RYR1: variants seen among roughly 807,000 people sequenced by gnomAD.
RYR1 encodes central core disease of muscle.
In RYR1, 342 loss-of-function variants were observed where a neutral mutation model predicts 583.5. The ratio of observed to expected loss-of-function variants is 0.59; its 90% confidence interval spans 0.54 to 0.64. The LOEUF is 0.64. Among genes scored for constraint, RYR1 ranks in the 30% least tolerant of loss-of-function variants. The probability of loss-of-function intolerance (pLI) is 0.00; values close to 1 mark genes in which losing one functional copy is unlikely to be tolerated. For synonymous variants in RYR1, 2,791 were observed against 2,822.5 expected, an observed-to-expected ratio of 0.99 and a Z score of 0.35; for missense variants, 6,032 against 6,917.2, an observed-to-expected ratio of 0.87 and a Z score of 4.54.
In RYR1 at chr19:38,463,775, C is replaced by T. The variant is rs544742812; in HGVS notation, c.2711C>T (p.Pro904Leu). The T allele has an allele frequency of 3.7e-5, 59 of 1,613,946 alleles. No homozygotes were observed. The highest frequency in any genetic ancestry group is 1.6e-4 in the Middle Eastern group (1 of 6,084). Residue 904 changes from proline (P) to leucine (L), a missense_variant, in exon 22 of 106, where the codon CCG becomes CTG. Physicochemically the swap from Pro to Leu is moderately conservative, Grantham distance 98 (BLOSUM62 -3). This residue lies in a region of RYR1 where 2,627 missense variants were observed against 2,961.3 expected (regional missense o/e 0.89). Coordinates refer to ENST00000359596, the MANE Select transcript of RYR1 (RefSeq NM_000540.3). ...PVRDDNKRLH[P>L]CLVDFHSLPE... Reference sequence around the variant, plus strand: ...CGGGATGACAACAAGAGGCTGCACCCGTGTCTTGTGGACTTCCACAGCCTT... The same window carrying T: ...CGGGATGACAACAAGAGGCTGCACCTGTGTCTTGTGGACTTCCACAGCCTT...
At chr19:38,542,898 A>G (rs1362058275) in intron 84 of RYR1, among the ~76,000 whole-genome samples, 5 of 148,776 alleles carry the variant, frequency 3.4e-5, no homozygotes, top group Non-Finnish European at 7.4e-5. Context: ...CTGGACTGCA[A>G]TGGTGAGATC....
At chr19:38,540,337 C>T (rs1405548097) in intron 84 of RYR1, among the ~76,000 whole-genome samples, 3 of 150,550 alleles carry the variant, frequency 2.0e-5, no homozygotes, top group Non-Finnish European at 4.4e-5. Context: ...TCATATACTA[C>T]AGTATAATAA....
intron 11 of RYR1, among the ~76,000 whole-genome samples, chr19:38,450,878 T>C (rs754151088): frequency 2.3e-4 from 35 of 152,208 alleles, no homozygotes; most frequent in Non-Finnish European, 4.4e-4. Context: ...CATGCAAGCT[T>C]GTAGCTCGAT....
At chr19:38,514,616 A>C (rs1033497479) in intron 63 of RYR1, among the ~76,000 whole-genome samples, 6 of 150,594 alleles carry the variant, frequency 4.0e-5, no homozygotes, top group Non-Finnish European at 1.5e-5. Flanking sequence ...TGAAAAAGAT[A>C]GCCTAAAATT....
chr19:38,516,014 A>G, intron 64 of RYR1, 73 bp from the exon 65 acceptor site: 1 of 1,508,622 alleles, frequency 6.6e-7, no homozygotes, highest in Non-Finnish European at 8.9e-7. Context: ...AGCCGTTTCT[A>G]TGGAGATGGG....
chr19:38,563,021 G>A (rs1973223440), intron 90 of RYR1, among the ~76,000 whole-genome samples: 1 of 152,144 alleles, frequency 6.6e-6, no homozygotes. Context: ...TCTGCAGGAA[G>A]CCCCTGTTCA....
Position 38,444,619 on chromosome 19 carries a change from C to T in RYR1, c.573C>T (p.Asp191=), listed in dbSNP as rs892054. ...CCGCCAGTGGGGAGCTCCAGGTTGA[C>T]GCTTCCTTCATGCAGACACTATGGA... ...LSTASGELQV[D]ASFMQTLWNM... The change falls in exon 7 of 106, where the codon GAC becomes GAT. Residue 191 remains aspartate, a synonymous_variant. Transcript: ENST00000359596. The surrounding 1 kb of genome is among the most constrained non-coding windows in gnomAD (Gnocchi z 5.1). 2.6e-3 allele frequency: 4,163 copies of T among 1,613,966 alleles called. 18 individuals carry two copies. The highest frequency in any genetic ancestry group is 0.016 in the African/African-American group (1,207 of 75,020).
intron 27 of RYR1, 44 bp from the exon 28 acceptor site, chr19:38,473,333 T>G (rs998520709): frequency 1.3e-5 from 21 of 1,612,310 alleles, no homozygotes; most frequent in Non-Finnish European, 1.8e-5. Flanking sequence ...CGGCCTGGCC[T>G]AGCCCGCCTG....
chr19:38,507,362 G>A lies in RYR1; in HGVS notation c.8817-350G>A, dbSNP rs1970514907. ...GAGGCTGAGAGGGGCGGGGGCTGGG[G>A]AGCACAGGCGGGGCCAGAGAGGGGT... On this transcript the variant is annotated intron_variant, in intron 57 of 105. Transcript: ENST00000359596. Among the ~76,000 whole-genome samples, 10 of 128,444 alleles carry A rather than the reference G, an allele frequency of 7.8e-5. No homozygotes were observed. In the South Asian group the frequency reaches 2.9e-3, roughly 37 times the overall value. 84.3% of individuals were successfully genotyped at this position (128,444 alleles called of 152,430 possible). A position where few individuals can be genotyped will look rare whatever the true frequency, so the allele number is the denominator to read the frequency against.
In RYR1 at chr19:38,496,663, G is replaced by T; in HGVS notation, c.6796+122G>T. 1 of 1,322,806 alleles carries T rather than the reference G, an allele frequency of 7.6e-7. No homozygotes were observed. The highest frequency in any genetic ancestry group is 1.8e-5 in the Admixed American group (1 of 55,432). The allele number at this position is 1,322,806 out of a possible 1,614,324, so 81.9% of individuals were successfully genotyped here. A position where few individuals can be genotyped will look rare whatever the true frequency, so the allele number is the denominator to read the frequency against. ...ACACTCCCTCTCAACTGTGGTTCTG[G>T]CCCTGTAATGAGTAATGCTGGGGAC... On this transcript the variant is annotated intron_variant, in intron 41 of 105. Coordinates refer to ENST00000359596, the MANE Select transcript of RYR1 (RefSeq NM_000540.3). The surrounding 1 kb of genome is among the most constrained non-coding windows in gnomAD (Gnocchi z 4.8).
At chr19:38,573,977 A>C (rs1973843941) in intron 96 of RYR1, among the ~76,000 whole-genome samples, 2 of 152,268 alleles carry the variant, frequency 1.3e-5, no homozygotes, top group South Asian at 4.1e-4. Flanking sequence ...ACGATGGCTC[A>C]TGCCTGTAAT....
rs1299246889 is a variant in RYR1 at position 38,525,463 on chromosome 19, C to G, written c.10587C>G (p.Asp3529Glu). 1 of 1,613,998 alleles carries G rather than the reference C, an allele frequency of 6.2e-7. No individual in the cohort carries two copies. Among genetic ancestry groups the G allele is most frequent in the Non-Finnish European group, 8.5e-7 (1 of 1,179,962 alleles). ...PIGLNMCAPT[D>E]QDLITLAKTR... ...GCCTGAATATGTGTGCGCCCACCGA[C>G]CAAGACCTCATCACGCTGGCCAAGA... The change falls in exon 71 of 106, where the codon GAC becomes GAG. Residue 3529 changes from aspartate to glutamate, a missense_variant. Physicochemically the swap from Asp to Glu is conservative, Grantham distance 45 (BLOSUM62 2). Around this residue, in one of 11 missense-constraint regions of RYR1, gnomAD observed 1,493 missense variants for 1,715.5 expected, o/e 0.87. Transcript: ENST00000359596.
intron 89 of RYR1, among the ~76,000 whole-genome samples, chr19:38,553,827 G>A (rs747817648): frequency 4.6e-5 from 7 of 151,930 alleles, no homozygotes; most frequent in Non-Finnish European, 1.0e-4. Context: ...TGTTTTTCTC[G>A]TTTTGTACAT....
intron 31 of RYR1, among the ~76,000 whole-genome samples, chr19:38,479,217 T>C (rs192244649): frequency 3.5e-4 from 54 of 152,250 alleles, no homozygotes; most frequent in Non-Finnish European, 6.6e-4. Flanking sequence ...TTCTGAAAAA[T>C]TTCAATCATA....
chr19:38,587,554 G>T lies in RYR1; in HGVS notation c.*134G>T. 1.3e-6 allele frequency: 1 copy of T among 777,312 alleles called. No homozygotes were observed. The allele number at this position is 777,312 out of a possible 1,614,324, so 48.2% of individuals were successfully genotyped here. ...GTACTGGAAAATAAATCTGTGCTAC[G>T]CCCCCCAGCATCACTGTGTTGGCCT... On this transcript the variant is annotated 3_prime_UTR_variant, in exon 106 of 106. Transcript: ENST00000359596.
rs2229145 is a variant in RYR1 at position 38,519,383 on chromosome 19, C to G, written c.10188C>G (p.Asp3396Glu). 5 of 1,605,794 alleles carry G rather than the reference C, an allele frequency of 3.1e-6. No homozygotes were observed. In the African/African-American group the frequency reaches 4.0e-5, roughly 13 times the overall value. The change falls in exon 67 of 106, where the codon GAC (aspartate) becomes GAG (glutamate). Residue 3396 changes from aspartate to glutamate, a missense_variant. Asp to Glu is a conservative substitution (Grantham distance 45). Coordinates refer to ENST00000359596, the MANE Select transcript of RYR1 (RefSeq NM_000540.3). ...EAQEGELLVR[D>E]EFSVLCRDLY... is the part of the protein sequence containing the mutation. Reference sequence around the variant, plus strand: ...AGGAGGGCGAGCTGCTGGTGCGGGACGAGTTCTCTGTGCTCTGCCGGGACC... The same window carrying G: ...AGGAGGGCGAGCTGCTGGTGCGGGAGGAGTTCTCTGTGCTCTGCCGGGACC...
chr19:38,507,193 A>G (rs913740224), intron 57 of RYR1, among the ~76,000 whole-genome samples: 4 of 146,244 alleles, frequency 2.7e-5, no homozygotes, highest in Non-Finnish European at 4.5e-5. Flanking sequence ...GAGGAAGAGA[A>G]GGGCGGGGCC....
At chr19:38,579,639 A>G (rs1974111300) in intron 99 of RYR1, among the ~76,000 whole-genome samples, 1 of 150,548 alleles carries the variant, frequency 6.6e-6, no homozygotes, top group Non-Finnish European at 1.5e-5. Flanking sequence ...GAGTCTCGCT[A>G]TGTTGCCCAG....
chr19:38,525,525 G>C, intron 71 of RYR1, 23 bp downstream of exon 71: 2 of 1,611,576 alleles, frequency 1.2e-6, no homozygotes, highest in South Asian at 2.2e-5. Flanking sequence ...CCCCGTCCTC[G>C]GAACCTTCCA....
Sources: allele counts gnomAD v4.1 joint callset (sites outside exome capture counted in the v4.1 genomes callset), GRCh38; gene constraint gnomAD v4.1.1; regional missense constraint gnomAD v4.1.1; non-coding constraint Gnocchi (gnomAD v3.1); transcripts MANE v1.5; gene names NCBI Gene and HGNC (gene_info 2026-07-23, HGNC 2026-07-21).